The following LSAMP variants were observed in gnomAD, a reference collection of about 807,000 sequenced individuals.
The protein encoded by LSAMP is limbic system-associated membrane protein.
Under a neutral mutation model 38.6 loss-of-function variants are expected in LSAMP, and 7 were observed. That is an observed-to-expected ratio of 0.18 (90% CI 0.10 to 0.34). LSAMP has a LOEUF of 0.34. Ranked by LOEUF, LSAMP falls within the 10% of genes least tolerant of loss-of-function variation. The pLI is 1.00. For missense variants in LSAMP, 313 were observed against 420.0 expected (o/e 0.75, Z 2.23); for synonymous variants, 154 against 166.8 (o/e 0.92, Z 0.59).
In LSAMP at chr3:116,244,009, T is replaced by G. The variant is rs1013811507; in HGVS notation, c.156-157453A>C. Among the ~76,000 whole-genome samples, 10 of 152,220 alleles carry G rather than the reference T, an allele frequency of 6.6e-5. No homozygotes were observed. The East Asian group carries it at 1.9e-3, about 29-fold the overall frequency. ...AGTAAATTCTCTTGTGCACTTCCTA[T>G]AGTAGGTTTCCTAAACTTTTACCGC... On this transcript the variant is annotated intron_variant, in intron 1 of 6. Transcript: ENST00000490035.
At chr3:116,284,528 T>C (rs2047168985) in intron 1 of LSAMP, among the ~76,000 whole-genome samples, 1 of 152,216 alleles carries the variant, frequency 6.6e-6, no homozygotes, top group African/African-American at 2.4e-5. Flanking sequence ...TACTATATCA[T>C]AGAAGCTGTG....
At chr3:116,099,750 C>T (rs1708302791) in intron 1 of LSAMP, among the ~76,000 whole-genome samples, 1 of 152,170 alleles carries the variant, frequency 6.6e-6, no homozygotes, top group South Asian at 2.1e-4. Flanking sequence ...TCCTAACTCT[C>T]TCACAATTTC....
At chr3:116,238,929 C>A (rs1326063490) in intron 1 of LSAMP, among the ~76,000 whole-genome samples, 1 of 151,940 alleles carries the variant, frequency 6.6e-6, no homozygotes, top group Non-Finnish European at 1.5e-5. Context: ...TATTTTTCCC[C>A]TCACCCCATG....
intron 2 of LSAMP, among the ~76,000 whole-genome samples, chr3:116,020,824 G>GA (rs1940617801): frequency 6.6e-6 from 1 of 152,170 alleles, no homozygotes; most frequent in African/African-American, 2.4e-5. Flanking sequence ...CTGTCCCTGA[G>GA]AAAGTATGTG....
At chr3:116,191,611 T>A (rs1710756569) in intron 1 of LSAMP, among the ~76,000 whole-genome samples, 1 of 151,800 alleles carries the variant, frequency 6.6e-6, no homozygotes, top group South Asian at 2.1e-4. Context: ...TTCAGCAGCT[T>A]GGTTTAGGAA....
Position 115,855,578 on chromosome 3 carries a change from A to G in LSAMP, c.515-2961T>C, listed in dbSNP as rs534516404. Among the ~76,000 whole-genome samples, 3 of 152,242 alleles carry G rather than the reference A, an allele frequency of 2.0e-5. No homozygotes were observed. The South Asian group carries it at 6.2e-4, about 32-fold the overall frequency. On this transcript the variant is annotated intron_variant, in intron 3 of 6. Transcript: ENST00000490035. ...GCACACAATGTGCATAGCTATCTCAATAAAGTGGGAGCAGGCTCAAGGTGC... is the reference window on the plus strand; with the variant it reads ...GCACACAATGTGCATAGCTATCTCAGTAAAGTGGGAGCAGGCTCAAGGTGC...
At chr3:115,853,452 G>A (rs1033556880) in intron 3 of LSAMP, among the ~76,000 whole-genome samples, 6 of 151,898 alleles carry the variant, frequency 4.0e-5, no homozygotes, top group Admixed American at 3.3e-4. Context: ...GGTCCTGTTT[G>A]GAAAGATCTA....
rs767225500 is a variant in LSAMP, at chr3:116,019,594, C to T, written c.435G>A (p.Glu145=). Residue 145 remains glutamate, a synonymous_variant, in exon 3 of 7, where the codon GAG becomes GAA. Coordinates refer to ENST00000490035, the MANE Select transcript of LSAMP (RefSeq NM_002338.5). ...SNISSDVTVN[E]GSNVTLVCMA... is the part of the protein sequence containing the mutation. ...TGCAGACCAGAGTCACGTTGCTGCC[C>T]TCATTCACAGTGACATCCGAGGAGA... 18 of 1,612,900 alleles carry T rather than the reference C, an allele frequency of 1.1e-5. No homozygotes were observed. The highest frequency in any genetic ancestry group is 1.5e-5 in the Non-Finnish European group (18 of 1,179,170).
intron 2 of LSAMP, among the ~76,000 whole-genome samples, chr3:116,069,539 G>A (rs1173011084): frequency 6.7e-6 from 1 of 148,532 alleles, no homozygotes; most frequent in Non-Finnish European, 1.5e-5. Flanking sequence ...AGGTGGGTGT[G>A]AGAGATACCA....
chr3:116,408,172 T>A (rs2048923152), intron 1 of LSAMP, among the ~76,000 whole-genome samples: 2 of 152,128 alleles, frequency 1.3e-5, no homozygotes, highest in African/African-American at 4.8e-5. Context: ...CTATGTCATT[T>A]AAATTTTATG....
intron 1 of LSAMP, among the ~76,000 whole-genome samples, chr3:116,093,681 T>A (rs990198289): frequency 6.6e-6 from 1 of 152,190 alleles, no homozygotes; most frequent in Admixed American, 6.5e-5. Flanking sequence ...AAAAATTGAT[T>A]TTTTTTAAGA....
At chr3:116,441,354 T>C (rs1041522910) in intron 1 of LSAMP, among the ~76,000 whole-genome samples, 3 of 152,214 alleles carry the variant, frequency 2.0e-5, no homozygotes, top group Non-Finnish European at 2.9e-5. Context: ...CAGATACGCA[T>C]GTGTATGTAC....
At chr3:116,277,399 C>T (rs916825793) in intron 1 of LSAMP, among the ~76,000 whole-genome samples, 49 of 150,848 alleles carry the variant, frequency 3.2e-4, no homozygotes, top group African/African-American at 1.1e-3. Flanking sequence ...GACAGAGTCT[C>T]GCTCTGTCGC....
intron 1 of LSAMP, among the ~76,000 whole-genome samples, chr3:116,424,821 C>A (rs2049173502): frequency 1.3e-5 from 2 of 152,066 alleles, no homozygotes; most frequent in Non-Finnish European, 2.9e-5. Flanking sequence ...ATAAGGAAAA[C>A]TTTGGGAGTG....
intron 3 of LSAMP, among the ~76,000 whole-genome samples, chr3:116,000,010 G>A (rs1332572321): frequency 2.6e-5 from 4 of 152,170 alleles, no homozygotes; most frequent in African/African-American, 9.7e-5. Flanking sequence ...GTTTGTGTGT[G>A]TGCATGTATC....
At chr3:116,019,330 A>C (rs1486338983) in intron 3 of LSAMP, among the ~76,000 whole-genome samples, 185 bp downstream of exon 3, 1 of 152,154 alleles carries the variant, frequency 6.6e-6, no homozygotes, top group Non-Finnish European at 1.5e-5. Context: ...ACCCTAAATA[A>C]ATAAAATAAA....
At chr3:116,080,448 C>T (rs1707847489) in intron 2 of LSAMP, among the ~76,000 whole-genome samples, 2 of 152,118 alleles carry the variant, frequency 1.3e-5, no homozygotes, top group African/African-American at 4.8e-5. Context: ...AATTTAATAA[C>T]TAAAAGATGG....
At chr3:115,950,538 A>C (rs1216343534) in intron 3 of LSAMP, among the ~76,000 whole-genome samples, 2 of 152,132 alleles carry the variant, frequency 1.3e-5, no homozygotes, top group East Asian at 3.9e-4. Context: ...CCTAATCAAG[A>C]AGGTGAAAGA....
At chr3:116,036,021 G>T (rs985549835) in intron 2 of LSAMP, among the ~76,000 whole-genome samples, 1 of 152,282 alleles carries the variant, frequency 6.6e-6, no homozygotes, top group Admixed American at 6.5e-5. Flanking sequence ...GATCAAGAAG[G>T]CATAGCTGCT....
Sources: allele counts gnomAD v4.1 joint callset (sites outside exome capture counted in the v4.1 genomes callset), GRCh38; gene constraint gnomAD v4.1.1; transcripts MANE v1.5; gene names NCBI Gene and HGNC (gene_info 2026-07-23, HGNC 2026-07-21).